The following LARGE1 variants were observed in gnomAD, a reference collection of about 807,000 sequenced individuals.
LARGE1 encodes LARGE xylosyl- and glucuronyltransferase 1.
LARGE1 carries 43 observed loss-of-function variants against 87.6 expected under a neutral mutation model. The observed-to-expected ratio is 0.49, with a 90% CI of 0.38 to 0.63. LARGE1 has a LOEUF of 0.63. LARGE1 is among the 30% of genes least tolerant of loss of function. The probability of loss-of-function intolerance (pLI) is 0.00; values close to 1 mark genes in which losing one functional copy is unlikely to be tolerated. For missense variants in LARGE1, 802 were observed against 1,000.2 expected (o/e 0.80, Z 2.67); for synonymous variants, 434 against 394.6 (o/e 1.10, Z -1.18).
the LARGE1 span, among the ~76,000 whole-genome samples, chr22:33,120,407 TTTC>T: frequency 1.0e-5 from 1 of 99,180 alleles, no homozygotes; most frequent in Non-Finnish European, 1.9e-5. Context: ...TCTTTCTTTC[TTTC>T]CTTCTTTCTT....
chr22:33,843,716 G>C (rs976172758), intron 1 of LARGE1, among the ~76,000 whole-genome samples: 4 of 152,072 alleles, frequency 2.6e-5, no homozygotes, highest in East Asian at 1.9e-4. Flanking sequence ...TGCAGTAAAA[G>C]AAGTTTAAAG....
chr22:33,643,999 G>A (rs952788230), intron 3 of LARGE1, among the ~76,000 whole-genome samples: 11 of 152,112 alleles, frequency 7.2e-5, no homozygotes, highest in African/African-American at 2.7e-4. Context: ...AGGAGCTGGT[G>A]CCATTCCTTC....
chr22:33,355,980 G>A (rs1353970736), intron 9 of LARGE1, among the ~76,000 whole-genome samples: 1 of 152,074 alleles, frequency 6.6e-6, no homozygotes, highest in East Asian at 1.9e-4. Flanking sequence ...CTGGCTGCAG[G>A]ACTTCCTAAT....
intron 1 of LARGE1, among the ~76,000 whole-genome samples, chr22:33,824,524 T>A (rs1403130922): frequency 2.6e-5 from 4 of 152,246 alleles, no homozygotes; most frequent in Admixed American, 6.5e-5. Flanking sequence ...CACATGGGGA[T>A]TACAATTTGA....
chr22:33,341,357 C>G (rs986927956), intron 9 of LARGE1, among the ~76,000 whole-genome samples: 2 of 151,972 alleles, frequency 1.3e-5, no homozygotes, highest in African/African-American at 4.8e-5. Context: ...CCAGACTGGA[C>G]TACGACACTG....
At chr22:33,495,572 A>G (rs1178372405) in intron 6 of LARGE1, among the ~76,000 whole-genome samples, 1 of 151,880 alleles carries the variant, frequency 6.6e-6, no homozygotes, top group Non-Finnish European at 1.5e-5. Flanking sequence ...TACAAAAATT[A>G]GCTGGGCGTG....
At chr22:33,862,997 A>G (rs969745163) in intron 1 of LARGE1, among the ~76,000 whole-genome samples, 1 of 152,192 alleles carries the variant, frequency 6.6e-6, no homozygotes, top group African/African-American at 2.4e-5. Context: ...TGAGAAAATT[A>G]AGGCACAGAA....
chr22:33,643,793 A>G (rs1320452362), intron 3 of LARGE1, among the ~76,000 whole-genome samples: 1 of 152,218 alleles, frequency 6.6e-6, no homozygotes, highest in Non-Finnish European at 1.5e-5. Flanking sequence ...TCTCTACACA[A>G]ATAAACTAGG....
chr22:33,541,044 T>TTTTG (rs2077178798), intron 6 of LARGE1, among the ~76,000 whole-genome samples: 1 of 3,368 alleles, frequency 3.0e-4, no homozygotes, highest in Admixed American at 4.1e-3. Context: ...GTGGCTGGGG[T>TTTTG]GGTGGGTTGC....
At chr22:33,871,672 C>T (rs745378983) in intron 1 of LARGE1, among the ~76,000 whole-genome samples, 11 of 152,152 alleles carry the variant, frequency 7.2e-5, no homozygotes, top group African/African-American at 2.2e-4. Flanking sequence ...TAAGCGTGCA[C>T]GCACACACAC....
chr22:33,220,632 A>T (rs1399829689), intron 11 of LARGE1, among the ~76,000 whole-genome samples: 14 of 152,238 alleles, frequency 9.2e-5, no homozygotes, highest in Admixed American at 9.2e-4. Flanking sequence ...AGCCTGGAAC[A>T]GGTATTGAGG....
At chr22:33,765,347 T>A (rs2084866981) in intron 1 of LARGE1, among the ~76,000 whole-genome samples, 1 of 151,966 alleles carries the variant, frequency 6.6e-6, no homozygotes. Context: ...TTTCCCAGGG[T>A]GAAATATATC....
chr22:33,496,408 T>A (rs2070121030), intron 6 of LARGE1, among the ~76,000 whole-genome samples: 1 of 152,078 alleles, frequency 6.6e-6, no homozygotes, highest in African/African-American at 2.4e-5. Flanking sequence ...GAAGTCCTCA[T>A]TAGTGAGATT....
intron 6 of LARGE1, among the ~76,000 whole-genome samples, chr22:33,513,483 A>G (rs1167451594): frequency 2.0e-5 from 3 of 152,188 alleles, no homozygotes; most frequent in Non-Finnish European, 4.4e-5. Flanking sequence ...CCTGAATCTT[A>G]CAAATGGTAT....
At chr22:33,887,727 G>C (rs1331708500) in intron 1 of LARGE1, among the ~76,000 whole-genome samples, 1 of 150,994 alleles carries the variant, frequency 6.6e-6, no homozygotes, top group Non-Finnish European at 1.5e-5. Context: ...ACAAGAGCAA[G>C]ACTCCATCTC....
chr22:33,676,372 CAAAAAAAAAAAAAAAA>C lies in LARGE1; in HGVS notation c.107-25720_107-25705del, dbSNP rs10567981. ...ACATCATATGTTACAGATTCAATGG[CAAAAAAAAAAAAAAAA>C]AAAAAAAAAAAAAAAAGCTGGCTGG... On this transcript the variant is annotated intron_variant, in intron 2 of 14. Coordinates refer to ENST00000397394, the MANE Select transcript of LARGE1 (RefSeq NM_133642.5). Among the ~76,000 whole-genome samples, 46 of 16,304 alleles carry C rather than the reference CAAAAAAAAAAAAAAAA, an allele frequency of 2.8e-3. 1 individual carries two copies. The highest frequency in any genetic ancestry group is 5.7e-3 in the South Asian group (1 of 176). The allele number at this position is 16,304 out of a possible 152,430, so 10.7% of individuals were successfully genotyped here. A position where few individuals can be genotyped will look rare whatever the true frequency, so the allele number is the denominator to read the frequency against.
chr22:33,303,032 T>A (rs547988917), intron 12 of LARGE1, among the ~76,000 whole-genome samples: 16 of 152,356 alleles, frequency 1.1e-4, no homozygotes, highest in Admixed American at 4.6e-4. Flanking sequence ...AGGATTTTTT[T>A]AAAATGTCAT....
chr22:33,494,761 G>C (rs1003782385), intron 6 of LARGE1, among the ~76,000 whole-genome samples: 8 of 152,186 alleles, frequency 5.3e-5, no homozygotes, highest in African/African-American at 9.7e-5. Flanking sequence ...TCACAGCTAG[G>C]ATGAGAAATC....
At chr22:33,693,923 A>G (rs923799591) in intron 2 of LARGE1, among the ~76,000 whole-genome samples, 8 of 152,218 alleles carry the variant, frequency 5.3e-5, no homozygotes, top group Non-Finnish European at 1.0e-4. Context: ...TAGACTTTAC[A>G]TAAGTCTTAG....
Sources: allele counts gnomAD v4.1 joint callset (sites outside exome capture counted in the v4.1 genomes callset), GRCh38; gene constraint gnomAD v4.1.1; transcripts MANE v1.5; gene names NCBI Gene and HGNC (gene_info 2026-07-23, HGNC 2026-07-21).